Variants in AGBL4 observed in about 807,000 individuals in gnomAD.
AGBL4 encodes the protein cytosolic carboxypeptidase 6.
Under a neutral mutation model 66.4 loss-of-function variants are expected in AGBL4, and 58 were observed. The observed-to-expected ratio is 0.87, with a 90% CI of 0.71 to 1.09. The LOEUF (loss-of-function observed/expected upper bound fraction) is 1.09, where lower values mean the gene tolerates loss of function less well. AGBL4 is among the 50% of genes least tolerant of loss of function. The pLI is 0.00. For missense variants in AGBL4, 579 were observed against 631.0 expected, an observed-to-expected ratio of 0.92 and a Z score of 0.88; for synonymous variants, 234 against 222.9, an observed-to-expected ratio of 1.05 and a Z score of -0.44.
intron 1 of AGBL4, among the ~76,000 whole-genome samples, chr1:49,948,051 A>ATAC (rs1557608031): frequency 1.3e-4 from 11 of 85,218 alleles, no homozygotes; most frequent in Non-Finnish European, 1.8e-4. Flanking sequence ...TAAATATATA[A>ATAC]ATATATATAT....
chr1:49,893,422 G>A (rs770453316), intron 1 of AGBL4, among the ~76,000 whole-genome samples: 1 of 152,170 alleles, frequency 6.6e-6, no homozygotes, highest in Non-Finnish European at 1.5e-5. Flanking sequence ...AGGCTCTTGA[G>A]GGACCCAATT....
intron 4 of AGBL4, among the ~76,000 whole-genome samples, chr1:49,136,124 A>G (rs1381129692): frequency 6.6e-6 from 1 of 152,214 alleles, no homozygotes; most frequent in Non-Finnish European, 1.5e-5. Context: ...CAAGATCCCA[A>G]GTTTAAACTT....
At chr1:49,598,596 C>A (rs965882451) in intron 3 of AGBL4, among the ~76,000 whole-genome samples, 4 of 151,988 alleles carry the variant, frequency 2.6e-5, no homozygotes, top group African/African-American at 9.7e-5. Context: ...AGAGGAGTAC[C>A]CGGCCGTGTG....
At chr1:48,566,855 G>A (rs528833011) in intron 11 of AGBL4, among the ~76,000 whole-genome samples, 1 of 152,376 alleles carries the variant, frequency 6.6e-6, no homozygotes, top group South Asian at 2.1e-4. Context: ...AAGGCTAGGT[G>A]TGGTGGCTAA....
At chr1:49,845,581 G>T (rs532271110) in intron 2 of AGBL4, 1 of 1,599,436 alleles carries the variant, frequency 6.3e-7, no homozygotes, top group Admixed American at 1.7e-5. Flanking sequence ...GAAGCCCTAC[G>T]AGTGCCATGA....
intron 3 of AGBL4, among the ~76,000 whole-genome samples, chr1:49,618,530 C>T (rs1645294934): frequency 6.6e-6 from 1 of 152,124 alleles, no homozygotes; most frequent in African/African-American, 2.4e-5. Context: ...GCAAATTCTA[C>T]CAGAGGTACA....
chr1:49,297,232 A>G (rs1012637067), intron 3 of AGBL4, among the ~76,000 whole-genome samples: 1 of 152,228 alleles, frequency 6.6e-6, no homozygotes, highest in Admixed American at 6.5e-5. Context: ...TGTGCCAGAT[A>G]CAAGCTCTCT....
chr1:48,532,182 G>T (rs919371460), downstream of AGBL4, among the ~76,000 whole-genome samples: 10 of 152,130 alleles, frequency 6.6e-5, no homozygotes, highest in Admixed American at 1.3e-4. Context: ...TATTCCAAAT[G>T]ATCACAGCTA....
At position 49,228,913 on chromosome 1, in the gene AGBL4, T is replaced by C. The variant is rs1174868891; in HGVS notation, c.377+16857A>G. On this transcript the variant is annotated intron_variant, in intron 4 of 13. Transcript: ENST00000371839. ...GAACTCACAGACAGCAATATGTTCCTAACCTAATTTCCAGCCTCATCACCT... is the reference window on the plus strand; with the variant it reads ...GAACTCACAGACAGCAATATGTTCCCAACCTAATTTCCAGCCTCATCACCT... Among the ~76,000 whole-genome samples, 9 of 152,168 alleles carry C rather than the reference T, an allele frequency of 5.9e-5. No homozygotes were observed. In the East Asian group the frequency reaches 1.7e-3, roughly 29 times the overall value.
At chr1:48,762,286 A>G (rs1644301294) in intron 6 of AGBL4, among the ~76,000 whole-genome samples, 3 of 152,198 alleles carry the variant, frequency 2.0e-5, no homozygotes, top group Non-Finnish European at 2.9e-5. Context: ...TCATTTTCTC[A>G]TTCTTTAAGC....
intron 2 of AGBL4, among the ~76,000 whole-genome samples, chr1:49,704,994 T>C (rs1324593391): frequency 7.2e-5 from 11 of 152,240 alleles, no homozygotes; most frequent in Admixed American, 7.2e-4. Flanking sequence ...GGAATAGCAC[T>C]GTATCTATAA....
intron 6 of AGBL4, among the ~76,000 whole-genome samples, chr1:48,686,418 ATG>A (rs1646532314): frequency 6.6e-6 from 1 of 152,220 alleles, no homozygotes. Flanking sequence ...GGTAAGGAAA[ATG>A]TGCTGAATAA....
At position 48,789,579 on chromosome 1, in the gene AGBL4, C is replaced by T. The variant is rs1300205591; in HGVS notation, c.634+77612G>A. On this transcript the variant is annotated intron_variant, in intron 6 of 13. Transcript: ENST00000371839. ...GCTGGGATTACAGGCATGAGCCACA[C>T]TGTGGATATATTTGATAGCACTAAA... Among the ~76,000 whole-genome samples, 3 of 152,180 alleles carry T rather than the reference C, an allele frequency of 2.0e-5. No homozygotes were observed. In the East Asian group the frequency reaches 5.8e-4, roughly 29 times the overall value.
chr1:49,825,960 A>G (rs978326630), intron 2 of AGBL4, among the ~76,000 whole-genome samples: 4 of 152,140 alleles, frequency 2.6e-5, no homozygotes, highest in Non-Finnish European at 5.9e-5. Flanking sequence ...TAATAAAAAA[A>G]AACAAAACTT....
intron 5 of AGBL4, among the ~76,000 whole-genome samples, chr1:48,901,841 G>A (rs1261884207): frequency 6.6e-6 from 1 of 152,126 alleles, no homozygotes; most frequent in Non-Finnish European, 1.5e-5. Context: ...TGTGGTAATA[G>A]TGTATTGATC....
rs1014482615 is a variant in AGBL4 at position 49,558,709 on chromosome 1, A to G, written c.282+138604T>C. Among the ~76,000 whole-genome samples, 7 of 152,290 alleles carry G rather than the reference A, an allele frequency of 4.6e-5. 1 individual carries two copies. Among genetic ancestry groups the G allele is most frequent in the South Asian group, 4.1e-4 (2 of 4,828 alleles). On this transcript the variant is annotated intron_variant, in intron 3 of 13. Transcript: ENST00000371839. ...CCTGCCATGGGCCAGCAGAGAGCCCAGTACCCTAGAGGGTGAGTTGCAGGC... is the reference window on the plus strand; with the variant it reads ...CCTGCCATGGGCCAGCAGAGAGCCCGGTACCCTAGAGGGTGAGTTGCAGGC...
intron 6 of AGBL4, among the ~76,000 whole-genome samples, chr1:48,775,891 T>C (rs1645054909): frequency 6.6e-6 from 1 of 152,178 alleles, no homozygotes; most frequent in Admixed American, 6.5e-5. Context: ...AACTCTCTCA[T>C]TCAGGGAGCC....
chr1:49,697,191 C>T (rs551547400), intron 3 of AGBL4, 122 bp downstream of exon 3: 1 of 1,154,992 alleles, frequency 8.7e-7, no homozygotes, highest in Non-Finnish European at 1.2e-6. Flanking sequence ...AAAACTGTAT[C>T]ATTGCTGTGG....
At chr1:49,895,823 C>T (rs6683161) in intron 1 of AGBL4, among the ~76,000 whole-genome samples, 8,091 of 151,378 alleles carry the variant, frequency 0.053, 239 homozygotes, top group African/African-American at 0.071. Flanking sequence ...AAGAAGACCA[C>T]GAAACAACCA....
Sources: allele counts gnomAD v4.1 joint callset (sites outside exome capture counted in the v4.1 genomes callset), GRCh38; gene constraint gnomAD v4.1.1; transcripts MANE v1.5; gene names NCBI Gene and HGNC (gene_info 2026-07-23, HGNC 2026-07-21).